Variants in PTPRK observed in about 807,000 individuals in gnomAD.
PTPRK encodes protein tyrosine phosphatase receptor type K.
In PTPRK, 75 loss-of-function variants were observed where a neutral mutation model predicts 178.0. The observed-to-expected ratio is 0.42, with a 90% CI of 0.35 to 0.51. The LOEUF (loss-of-function observed/expected upper bound fraction) is 0.51, where lower values mean the gene tolerates loss of function less well. PTPRK is among the 20% of genes least tolerant of loss of function. The probability of loss-of-function intolerance (pLI) is 0.02; values close to 1 mark genes in which losing one functional copy is unlikely to be tolerated. For synonymous variants in PTPRK, 637 were observed against 620.6 expected, an observed-to-expected ratio of 1.03 and a Z score of -0.39; for missense variants, 1,441 against 1,797.8, an observed-to-expected ratio of 0.80 and a Z score of 3.59.
intron 2 of PTPRK, among the ~76,000 whole-genome samples, chr6:128,329,382 AACACACACACAC>A (rs149088868): frequency 3.4e-5 from 5 of 145,614 alleles, no homozygotes; most frequent in Non-Finnish European, 6.1e-5. Context: ...TATATAGATA[AACACACACACAC>A]ACACACACAC....
intron 3 of PTPRK, among the ~76,000 whole-genome samples, chr6:128,260,208 A>G (rs1817974420): frequency 6.6e-6 from 1 of 152,042 alleles, no homozygotes; most frequent in African/African-American, 2.4e-5. Context: ...TTTTTAAAAG[A>G]TTGGATTTCA....
intron 3 of PTPRK, among the ~76,000 whole-genome samples, chr6:128,287,483 G>A (rs1345490078): frequency 6.6e-6 from 1 of 152,094 alleles, no homozygotes; most frequent in Non-Finnish European, 1.5e-5. Flanking sequence ...TCCTTTCACT[G>A]TCTGCTCTTT....
intron 3 of PTPRK, among the ~76,000 whole-genome samples, chr6:128,248,803 G>T (rs1314672726): frequency 6.6e-6 from 1 of 152,102 alleles, no homozygotes; most frequent in African/African-American, 2.4e-5. Flanking sequence ...GATAGAAAAA[G>T]ATATGGGATC....
intron 2 of PTPRK, among the ~76,000 whole-genome samples, chr6:128,327,069 CTT>C (rs1280551332): frequency 1.3e-5 from 2 of 151,268 alleles, no homozygotes; most frequent in African/African-American, 4.9e-5. Context: ...GCAGAGAAGA[CTT>C]AAAACAAATG....
intron 1 of PTPRK, among the ~76,000 whole-genome samples, chr6:128,413,274 C>T (rs1430598926): frequency 1.3e-5 from 2 of 152,128 alleles, no homozygotes; most frequent in East Asian, 1.9e-4. Context: ...GCATAGAGTA[C>T]TGCACAGACC....
At chr6:128,392,853 A>C (rs1839788102) in intron 2 of PTPRK, among the ~76,000 whole-genome samples, 1 of 152,186 alleles carries the variant, frequency 6.6e-6, no homozygotes, top group Non-Finnish European at 1.5e-5. Context: ...GACTAAGGTC[A>C]AATCTTAATA....
chr6:128,322,225 A>C lies in PTPRK; in HGVS notation c.309T>G (p.Thr103=). Residue 103 remains threonine (T), a synonymous_variant, in exon 3 of 30, where the codon ACT becomes ACG. Coordinates refer to ENST00000368226, the MANE Select transcript of PTPRK (RefSeq NM_002844.4). ...LQLPTMKEND[T]HCIDFSYLLY... ...ATAGGTAACTGAAATCAATGCAGTGAGTGTCGTTCTCCTTCATTGTAGGCA... is the reference window on the plus strand; with the variant it reads ...ATAGGTAACTGAAATCAATGCAGTGCGTGTCGTTCTCCTTCATTGTAGGCA... 6.2e-7 allele frequency: 1 copy of C among 1,613,650 alleles called. No individual in the cohort carries two copies. Among genetic ancestry groups the C allele is most frequent in the Non-Finnish European group, 8.5e-7 (1 of 1,179,666 alleles).
In PTPRK at chr6:128,247,210, T is replaced by C. The variant is rs550918793; in HGVS notation, c.496-4608A>G. Among the ~76,000 whole-genome samples, 36 of 152,334 alleles carry C rather than the reference T, an allele frequency of 2.4e-4. 1 individual carries two copies. In the South Asian group the frequency reaches 7.3e-3, roughly 31 times the overall value. On this transcript the variant is annotated intron_variant, in intron 3 of 29. Transcript: ENST00000368226. ...AATATATGCAATATGTAATACAAGA[T>C]ATTACAGATACTAGAAAAATCTGAA...
In PTPRK at chr6:128,328,599, C is replaced by T. The variant is rs144445183; in HGVS notation, c.224-6289G>A. 8.9e-3 allele frequency among the ~76,000 whole-genome samples: 1,354 copies of T among 152,146 alleles called. 20 individuals carry two copies. Among genetic ancestry groups the T allele is most frequent in the African/African-American group, 0.031 (1,269 of 41,500 alleles). Reference sequence around the variant, plus strand: ...ATATTTAATGTATTTGTCAGAGTCACGCTGGTATATATAAGAAACCTTATA... The same window carrying T: ...ATATTTAATGTATTTGTCAGAGTCATGCTGGTATATATAAGAAACCTTATA... On this transcript the variant is annotated intron_variant, in intron 2 of 29. Coordinates refer to ENST00000368226, the MANE Select transcript of PTPRK (RefSeq NM_002844.4).
chr6:128,236,602 G>A (rs994349604), intron 5 of PTPRK, among the ~76,000 whole-genome samples: 18 of 151,966 alleles, frequency 1.2e-4, no homozygotes, highest in African/African-American at 2.7e-4. Flanking sequence ...CCACCTCGGC[G>A]TCCCAAAGTG....
chr6:128,070,409 G>C (rs901749607), intron 11 of PTPRK, among the ~76,000 whole-genome samples: 2 of 151,920 alleles, frequency 1.3e-5, no homozygotes, highest in Non-Finnish European at 1.5e-5. Context: ...TTAGAAGAGG[G>C]GCCCTCACCA....
At chr6:128,425,121 A>G (rs1443780869) in intron 1 of PTPRK, among the ~76,000 whole-genome samples, 1 of 142,978 alleles carries the variant, frequency 7.0e-6, no homozygotes, top group East Asian at 2.0e-4. Context: ...CTCTGTTACC[A>G]GGCTGGAGTG....
chr6:128,127,093 CTATATTTGTATA>C (rs1437862339), intron 7 of PTPRK, among the ~76,000 whole-genome samples: 2 of 152,050 alleles, frequency 1.3e-5, no homozygotes, highest in Non-Finnish European at 2.9e-5. Context: ...GAGCAGTAAA[CTATATTTGTATA>C]TGTCTATTCT....
At chr6:128,001,794 A>C (rs1777864066) in intron 15 of PTPRK, among the ~76,000 whole-genome samples, 1 of 151,962 alleles carries the variant, frequency 6.6e-6, no homozygotes, top group Admixed American at 6.6e-5. Flanking sequence ...TATGTGTAGA[A>C]AATTATTGTA....
chr6:128,145,745 T>A, intron 7 of PTPRK, among the ~76,000 whole-genome samples: 1 of 152,298 alleles, frequency 6.6e-6, no homozygotes, highest in South Asian at 2.1e-4. Flanking sequence ...TATTTTCTAT[T>A]ACATTAGGTA....
At chr6:128,055,107 G>T (rs911871954) in intron 13 of PTPRK, among the ~76,000 whole-genome samples, 1 of 151,896 alleles carries the variant, frequency 6.6e-6, no homozygotes, top group Non-Finnish European at 1.5e-5. Context: ...AAAGTTTTTT[G>T]GCACTTTCAA....
intron 7 of PTPRK, among the ~76,000 whole-genome samples, chr6:128,148,416 T>A (rs1562674829): frequency 6.6e-6 from 1 of 152,056 alleles, no homozygotes; most frequent in Non-Finnish European, 1.5e-5. Flanking sequence ...CAGATAGTAA[T>A]AATAATAATA....
intron 6 of PTPRK, among the ~76,000 whole-genome samples, chr6:128,201,589 C>T (rs928182755): frequency 8.5e-5 from 13 of 152,182 alleles, no homozygotes; most frequent in East Asian, 1.9e-4. Flanking sequence ...CCAGGCGTGA[C>T]GGCTCATGCG....
At chr6:127,972,876 G>A in intron 29 of PTPRK, 146 bp downstream of exon 29, 1 of 692,610 alleles carries the variant, frequency 1.4e-6, no homozygotes, top group Non-Finnish European at 2.4e-6. Context: ...GGGATGCTCA[G>A]CAATGTATTA....
Sources: gnomAD v4.1 joint callset for allele counts (sites outside exome capture counted in the v4.1 genomes callset) on GRCh38, gnomAD v4.1.1 for gene constraint, MANE v1.5 for transcripts, NCBI Gene and HGNC (gene_info 2026-07-23, HGNC 2026-07-21) for gene names.